The following RASSF9 variants were observed in gnomAD, a reference collection of about 807,000 sequenced individuals.
RASSF9 encodes ras association domain-containing protein 9.
Under a neutral mutation model 21.4 loss-of-function variants are expected in RASSF9, and 18 were observed. The observed-to-expected ratio is 0.84, with a 90% CI of 0.58 to 1.25. The LOEUF (loss-of-function observed/expected upper bound fraction) is 1.25. RASSF9 is among the 50% of genes most tolerant of loss of function. The pLI, the probability that RASSF9 is intolerant of heterozygous loss-of-function variation, is 0.00. For missense variants in RASSF9, 480 were observed against 503.2 expected, an observed-to-expected ratio of 0.95 and a Z score of 0.44; for synonymous variants, 183 against 179.1, an observed-to-expected ratio of 1.02 and a Z score of -0.18.
chr12:85,818,851 C>A (rs1384837241), intron 1 of RASSF9, among the ~76,000 whole-genome samples: 1 of 149,762 alleles, frequency 6.7e-6, no homozygotes, highest in Non-Finnish European at 1.5e-5. Flanking sequence ...CCCAGCTACT[C>A]TGGAGGCAGA....
intron 1 of RASSF9, among the ~76,000 whole-genome samples, chr12:85,823,772 G>T (rs1240434040): frequency 6.6e-6 from 1 of 152,164 alleles, no homozygotes; most frequent in Non-Finnish European, 1.5e-5. Flanking sequence ...TCGAAATCAA[G>T]TTGCTCTACC....
chr12:85,835,942 C>T (rs768872934), intron 1 of RASSF9, among the ~76,000 whole-genome samples: 7 of 152,280 alleles, frequency 4.6e-5, no homozygotes, highest in African/African-American at 1.4e-4. Context: ...GAGCTGGTCA[C>T]TCCCATCATC....
intron 1 of RASSF9, among the ~76,000 whole-genome samples, chr12:85,812,302 G>A (rs1393309349): frequency 2.0e-5 from 3 of 151,026 alleles, no homozygotes; most frequent in Non-Finnish European, 4.4e-5. Context: ...TATATCCTAA[G>A]GTTTTCACAG....
chr12:85,816,911 T>C (rs1880081306), intron 1 of RASSF9, among the ~76,000 whole-genome samples: 1 of 152,124 alleles, frequency 6.6e-6, no homozygotes, highest in Non-Finnish European at 1.5e-5. Flanking sequence ...GTATATGGCA[T>C]TCATATTAAA....
chr12:85,809,951 C>G (rs1471879353), intron 1 of RASSF9, among the ~76,000 whole-genome samples: 1 of 151,676 alleles, frequency 6.6e-6, no homozygotes, highest in Non-Finnish European at 1.5e-5. Context: ...TTCTTTTTTT[C>G]TTTTTTAAAT....
intron 1 of RASSF9, among the ~76,000 whole-genome samples, chr12:85,807,448 T>G (rs1879859798): frequency 6.6e-6 from 1 of 152,026 alleles, no homozygotes; most frequent in Non-Finnish European, 1.5e-5. Flanking sequence ...TAAAACTAAT[T>G]TATGCTTTAC....
Position 85,804,385 on chromosome 12 carries a change from T to C in RASSF9, c.*317A>G, listed in dbSNP as rs1879767522. 1 of 238,578 alleles carries C rather than the reference T, an allele frequency of 4.2e-6. No individual in the cohort carries two copies. Among genetic ancestry groups the C allele is most frequent in the Non-Finnish European group, 8.1e-6 (1 of 123,196 alleles). 14.8% of individuals were successfully genotyped at this position (238,578 alleles called of 1,614,324 possible). On this transcript the variant is annotated 3_prime_UTR_variant, in exon 2 of 2. Coordinates refer to ENST00000361228, the MANE Select transcript of RASSF9 (RefSeq NM_005447.4). Reference sequence around the variant, plus strand: ...GGACTGTCTAATATTGAGGATTGCTTTTAAAGTTTATGTAAATCGTTTTCC... The same window carrying C: ...GGACTGTCTAATATTGAGGATTGCTCTTAAAGTTTATGTAAATCGTTTTCC...
At chr12:85,817,101 T>C (rs982053214) in intron 1 of RASSF9, among the ~76,000 whole-genome samples, 1 of 152,144 alleles carries the variant, frequency 6.6e-6, no homozygotes, top group Non-Finnish European at 1.5e-5. Flanking sequence ...TGAAAGCATA[T>C]AATACATTAA....
rs940100768 is a variant in RASSF9 at position 85,801,124 on chromosome 12, G to GT, written c.*3577dup. The GT allele has an allele frequency of 1.3e-5, 2 of 151,886 alleles. No homozygotes were observed. The highest frequency in any genetic ancestry group is 2.9e-5 in the Non-Finnish European group (2 of 67,948). 9.4% of individuals were successfully genotyped at this position (151,886 alleles called of 1,614,324 possible). ...CATTTAAAACCCAACTCTAAAATAT[G>GT]TTTTTTCTCATAAGCACACAATGAA... On this transcript the variant is annotated 3_prime_UTR_variant, in exon 2 of 2. Transcript: ENST00000361228.
In RASSF9 at chr12:85,804,512, T is replaced by C; in HGVS notation, c.*190A>G. On this transcript the variant is annotated 3_prime_UTR_variant, in exon 2 of 2. Transcript: ENST00000361228. ...GCATTCGTGATAAATAGTTCATTGC[T>C]TGAACTTGCAATAATTAAAGTTCCT... 1 of 537,390 alleles carries C rather than the reference T, an allele frequency of 1.9e-6. No individual in the cohort carries two copies. Among genetic ancestry groups the C allele is most frequent in the Non-Finnish European group, 3.1e-6 (1 of 325,002 alleles). 33.3% of individuals were successfully genotyped at this position (537,390 alleles called of 1,614,324 possible).
At chr12:85,824,316 T>C (rs535220744) in intron 1 of RASSF9, among the ~76,000 whole-genome samples, 1 of 152,312 alleles carries the variant, frequency 6.6e-6, no homozygotes, top group East Asian at 1.9e-4. Flanking sequence ...TCCTAAACAC[T>C]TTCCTTTGCC....
chr12:85,822,669 T>C (rs1880237120), intron 1 of RASSF9, among the ~76,000 whole-genome samples: 1 of 152,214 alleles, frequency 6.6e-6, no homozygotes, highest in Non-Finnish European at 1.5e-5. Context: ...CTCTTTAATA[T>C]GCTTTGAATT....
At chr12:85,807,227 C>T (rs1048844415) in intron 1 of RASSF9, among the ~76,000 whole-genome samples, 7 of 152,022 alleles carry the variant, frequency 4.6e-5, no homozygotes, top group African/African-American at 1.7e-4. Context: ...GATCTAGGGA[C>T]AGCAATACTG....
Position 85,805,830 on chromosome 12 carries a change from A to C in RASSF9, c.180T>G (p.His60Gln). 6.2e-7 allele frequency: 1 copy of C among 1,613,946 alleles called. No individual in the cohort carries two copies. The highest frequency in any genetic ancestry group is 8.5e-7 in the Non-Finnish European group (1 of 1,179,888). The stretch of plus-strand genomic sequence containing the variant: ...ATCGTTTCTCTCCAAACGTAGCCTC[A>C]TGTTCCTCAAGCAAAGCCTGGATGA... ...ADVIQALLEE[H>Q]EATFGEKRFL... Residue 60 changes from histidine to glutamine, a missense_variant, in exon 2 of 2, where the codon CAT becomes CAG. Coordinates refer to ENST00000361228, the MANE Select transcript of RASSF9 (RefSeq NM_005447.4).
Position 85,812,076 on chromosome 12 carries a change from A to G in RASSF9, c.48-6114T>C, listed in dbSNP as rs113005101. Among the ~76,000 whole-genome samples the G allele has an allele frequency of 5.9e-5, 9 of 151,894 alleles. 1 individual carries two copies. The highest frequency in any genetic ancestry group is 2.2e-4 in the African/African-American group (9 of 41,548). ...TAGTCATATCTAAACTATGACTCCC[A>G]CAATTTCATAACTACTCCACACAAT... On this transcript the variant is annotated intron_variant, in intron 1 of 1. Transcript: ENST00000361228.
chr12:85,825,886 A>G (rs1374254912), intron 1 of RASSF9, among the ~76,000 whole-genome samples: 1 of 152,190 alleles, frequency 6.6e-6, no homozygotes, highest in East Asian at 1.9e-4. Flanking sequence ...TTAAAGGATC[A>G]TTAAAAGGGT....
At chr12:85,824,524 G>A (rs886216970) in intron 1 of RASSF9, among the ~76,000 whole-genome samples, 1 of 152,040 alleles carries the variant, frequency 6.6e-6, no homozygotes, top group African/African-American at 2.4e-5. Flanking sequence ...TTACCAGACT[G>A]TCATTTTTAA....
intron 1 of RASSF9, among the ~76,000 whole-genome samples, chr12:85,815,184 A>C (rs7960720): frequency 0.18 from 27,368 of 151,974 alleles, 2,696 homozygotes; most frequent in African/African-American, 0.23. Context: ...AGAAAAAAAA[A>C]CCAAAAACCT....
intron 1 of RASSF9, among the ~76,000 whole-genome samples, chr12:85,813,386 A>G (rs924606978): frequency 5.9e-5 from 9 of 152,042 alleles, no homozygotes; most frequent in African/African-American, 2.2e-4. Flanking sequence ...CAAGATTCAT[A>G]CAATCAAATA....
Sources: gnomAD v4.1 joint callset for allele counts (sites outside exome capture counted in the v4.1 genomes callset) on GRCh38, gnomAD v4.1.1 for gene constraint, MANE v1.5 for transcripts, NCBI Gene and HGNC (gene_info 2026-07-23, HGNC 2026-07-21) for gene names.